MSRA: variants seen among roughly 807,000 people sequenced by gnomAD.
MSRA encodes the protein mitochondrial peptide methionine sulfoxide reductase.
MSRA carries 54 observed loss-of-function variants against 31.3 expected under a neutral mutation model. The observed-to-expected ratio is 1.73, with a 90% CI of 1.39 to 2.17. The LOEUF is 2.17. MSRA is among the 30% of genes most tolerant of loss of function. MSRA has a pLI of 0.00. For synonymous variants in MSRA, 169 were observed against 116.5 expected (o/e 1.45, Z -2.90); for missense variants, 507 against 300.9 (o/e 1.69, Z -5.07).
Position 10,108,014 on chromosome 8 carries a change from T to A in MSRA, c.142+53356T>A, listed in dbSNP as rs567657935. On this transcript the variant is annotated intron_variant, in intron 1 of 5. Coordinates refer to ENST00000317173, the MANE Select transcript of MSRA (RefSeq NM_012331.5). ...CCACCAATCACTCCCATTTCTTTTG[T>A]TGTCCTTGGTGGTGACAGAATATAG... Among the ~76,000 whole-genome samples the A allele has an allele frequency of 5.9e-4, 90 of 152,208 alleles. 2 individuals are homozygous for A. The highest frequency in any genetic ancestry group is 5.3e-4 in the Non-Finnish European group (36 of 68,034).
intron 1 of MSRA, among the ~76,000 whole-genome samples, chr8:10,185,728 C>G (rs577872743): frequency 1.3e-5 from 2 of 152,270 alleles, no homozygotes; most frequent in African/African-American, 4.8e-5. Flanking sequence ...CTGGATGAGG[C>G]CTGAACTGAC....
chr8:10,377,619 C>T (rs1474247755), intron 5 of MSRA, among the ~76,000 whole-genome samples: 1 of 152,146 alleles, frequency 6.6e-6, no homozygotes, highest in African/African-American at 2.4e-5. Context: ...GATGTAATAC[C>T]AAAATGGCTC....
intron 3 of MSRA, among the ~76,000 whole-genome samples, chr8:10,289,361 C>T (rs759367625): frequency 9.9e-5 from 15 of 151,632 alleles, no homozygotes; most frequent in Non-Finnish European, 2.1e-4. Context: ...ATGGGGTATA[C>T]GAGATGATAG....
intron 1 of MSRA, among the ~76,000 whole-genome samples, chr8:10,184,856 C>A (rs1016246012): frequency 6.6e-6 from 1 of 152,208 alleles, no homozygotes; most frequent in Non-Finnish European, 1.5e-5. Context: ...ATCCAGCACT[C>A]ACATTGTACT....
chr8:10,239,700 G>C (rs1935535075), intron 2 of MSRA, among the ~76,000 whole-genome samples: 1 of 152,152 alleles, frequency 6.6e-6, no homozygotes, highest in Admixed American at 6.5e-5. Context: ...ACTGTTTTGG[G>C]GACTAGGACC....
chr8:10,084,795 T>A (rs1244661973), intron 1 of MSRA, among the ~76,000 whole-genome samples: 1 of 152,252 alleles, frequency 6.6e-6, no homozygotes, highest in South Asian at 2.1e-4. Flanking sequence ...TTTAGAATTT[T>A]CTGTTTTAGA....
intron 2 of MSRA, among the ~76,000 whole-genome samples, chr8:10,222,930 C>G (rs188132127): frequency 4.6e-5 from 7 of 152,196 alleles, no homozygotes; most frequent in Admixed American, 4.6e-4. Flanking sequence ...ACATTGTACA[C>G]TTGAAAATTG....
chr8:10,136,001 G>C (rs933700172), intron 1 of MSRA, among the ~76,000 whole-genome samples: 1 of 152,156 alleles, frequency 6.6e-6, no homozygotes, highest in African/African-American at 2.4e-5. Context: ...GCCCCATGAG[G>C]TGAGGGGACC....
chr8:10,317,443 C>G (rs1801790639), intron 4 of MSRA, among the ~76,000 whole-genome samples: 1 of 152,190 alleles, frequency 6.6e-6, no homozygotes, highest in Non-Finnish European at 1.5e-5. Context: ...TCTGCTTCCT[C>G]TGGCTCTGCC....
rs779419650 is a variant in MSRA at position 10,252,871 on chromosome 8, G to A, written c.331+7648G>A. Among the ~76,000 whole-genome samples the A allele has an allele frequency of 1.3e-4, 20 of 152,128 alleles. 1 individual carries two copies. The highest frequency in any genetic ancestry group is 3.3e-4 in the Admixed American group (5 of 15,268). ...CCATCACATAGGTCCTTCATCCACC[G>A]GTTCTAAAATTTGAGTGACTCTATG... On this transcript the variant is annotated intron_variant, in intron 3 of 5. Coordinates refer to ENST00000317173, the MANE Select transcript of MSRA (RefSeq NM_012331.5).
At chr8:10,401,067 A>T (rs553626214) in intron 5 of MSRA, among the ~76,000 whole-genome samples, 2 of 150,306 alleles carry the variant, frequency 1.3e-5, no homozygotes, top group African/African-American at 2.4e-5. Flanking sequence ...CATCAAATTT[A>T]AAAACTTTTA....
chr8:10,330,379 A>G (rs1802625972), intron 5 of MSRA, among the ~76,000 whole-genome samples: 1 of 152,220 alleles, frequency 6.6e-6, no homozygotes, highest in African/African-American at 2.4e-5. Context: ...CCATGATAAT[A>G]TAACTGAACC....
Position 10,137,212 on chromosome 8 carries a change from A to G in MSRA, c.143-70621A>G, listed in dbSNP as rs980902670. Reference sequence around the variant, plus strand: ...TCTTTATTTTGACGTGAGTTTTCAAAAATAGCATTTCTGCTTTTATTTCTC... The same window carrying G: ...TCTTTATTTTGACGTGAGTTTTCAAGAATAGCATTTCTGCTTTTATTTCTC... On this transcript the variant is annotated intron_variant, in intron 1 of 5. Transcript: ENST00000317173. Among the ~76,000 whole-genome samples, 31 of 152,328 alleles carry G rather than the reference A, an allele frequency of 2.0e-4. 1 individual carries two copies. The highest frequency in any genetic ancestry group is 7.0e-4 in the African/African-American group (29 of 41,570).
At chr8:10,238,938 A>G (rs1324803543) in intron 2 of MSRA, among the ~76,000 whole-genome samples, 6 of 152,214 alleles carry the variant, frequency 3.9e-5, no homozygotes, top group Admixed American at 6.5e-5. Flanking sequence ...CTGTATGACA[A>G]TAGACATAAG....
intron 3 of MSRA, among the ~76,000 whole-genome samples, chr8:10,287,747 A>G (rs1298992723): frequency 6.6e-6 from 1 of 152,166 alleles, no homozygotes; most frequent in Admixed American, 6.6e-5. Flanking sequence ...TGGATATCCT[A>G]CAGGTGTGAA....
chr8:10,316,197 A>G (rs1801700594), intron 4 of MSRA, among the ~76,000 whole-genome samples: 1 of 151,994 alleles, frequency 6.6e-6, no homozygotes, highest in Non-Finnish European at 1.5e-5. Context: ...AGAGAGCCAC[A>G]TAATATCTTT....
intron 5 of MSRA, among the ~76,000 whole-genome samples, chr8:10,327,720 T>A (rs1024533720): frequency 1.1e-4 from 17 of 152,078 alleles, no homozygotes; most frequent in African/African-American, 4.1e-4. Flanking sequence ...GATCATAAGG[T>A]CAGGAGATCG....
intron 5 of MSRA, among the ~76,000 whole-genome samples, chr8:10,398,572 G>C (rs1161110850): frequency 6.6e-6 from 1 of 152,318 alleles, no homozygotes; most frequent in African/African-American, 2.4e-5. Flanking sequence ...GACAGTGGCA[G>C]GTGCCCCACG....
At chr8:10,285,330 T>C (rs1278680048) in intron 3 of MSRA, among the ~76,000 whole-genome samples, 4 of 152,252 alleles carry the variant, frequency 2.6e-5, no homozygotes, top group Non-Finnish European at 5.9e-5. Flanking sequence ...AGCATTTCCC[T>C]TATTTTTTAT....
Sources: allele counts gnomAD v4.1 joint callset (sites outside exome capture counted in the v4.1 genomes callset), GRCh38; gene constraint gnomAD v4.1.1; transcripts MANE v1.5; gene names NCBI Gene and HGNC (gene_info 2026-07-23, HGNC 2026-07-21).